GFOD2: variants seen among roughly 807,000 people sequenced by gnomAD.
The protein encoded by GFOD2 is glucose-fructose oxidoreductase domain-containing protein 2.
A neutral mutation model predicts 24.6 loss-of-function variants in GFOD2; 9 were observed. The observed-to-expected ratio is 0.37, with a 90% CI of 0.22 to 0.64. The LOEUF is 0.64. GFOD2 is among the 30% of genes least tolerant of loss of function. The probability of loss-of-function intolerance (pLI) is 0.65; values close to 1 mark genes in which losing one functional copy is unlikely to be tolerated. For synonymous variants in GFOD2, 211 were observed against 224.8 expected, an observed-to-expected ratio of 0.94 and a Z score of 0.55; for missense variants, 476 against 532.5, an observed-to-expected ratio of 0.89 and a Z score of 1.04.
intron 1 of GFOD2, among the ~76,000 whole-genome samples, chr16:67,693,197 A>G (rs543523708): frequency 1.6e-3 from 245 of 152,256 alleles, no homozygotes; most frequent in African/African-American, 5.7e-3. Context: ...TCCAGGGAGT[A>G]GCACTGCATC....
At chr16:67,688,015 T>C (rs1009914275) in intron 1 of GFOD2, among the ~76,000 whole-genome samples, 1 of 152,138 alleles carries the variant, frequency 6.6e-6, no homozygotes, top group Non-Finnish European at 1.5e-5. Flanking sequence ...AGATATTTAC[T>C]ATAGCATTGG....
intron 1 of GFOD2, among the ~76,000 whole-genome samples, chr16:67,699,532 G>GGAAT (rs1158619994): frequency 6.6e-6 from 1 of 152,094 alleles, no homozygotes; most frequent in African/African-American, 2.4e-5. Context: ...CACCCAGACT[G>GGAAT]GAATGCAGTG....
chr16:67,696,722 C>T (rs1268291195), intron 1 of GFOD2, among the ~76,000 whole-genome samples: 1 of 152,180 alleles, frequency 6.6e-6, no homozygotes, highest in African/African-American at 2.4e-5. Context: ...ATCCGCCTGC[C>T]TCAGCCTCCC....
At chr16:67,696,334 A>T (rs1167731160) in intron 1 of GFOD2, among the ~76,000 whole-genome samples, 21 of 146,708 alleles carry the variant, frequency 1.4e-4, no homozygotes, top group Middle Eastern at 3.6e-3. Flanking sequence ...TTTTTTTTTT[A>T]AATGATCTAT....
At chr16:67,688,599 T>C (rs2053285520) in intron 1 of GFOD2, among the ~76,000 whole-genome samples, 1 of 152,116 alleles carries the variant, frequency 6.6e-6, no homozygotes, top group Admixed American at 6.6e-5. Context: ...CCCCACTCCA[T>C]ATTAGCATCA....
Position 67,675,808 on chromosome 16 carries a change from G to A in GFOD2, c.505C>T (p.Leu169Phe), listed in dbSNP as rs771013338. The A allele has an allele frequency of 6.8e-6, 11 of 1,614,064 alleles. No individual in the cohort carries two copies. Among genetic ancestry groups the A allele is most frequent in the African/African-American group, 1.3e-5 (1 of 74,950 alleles). ...GTGTGCAAGCCCCCGCCGCCCATGAGCTCATCACAGATCCAGCCATAGCTG... is the reference window on the plus strand; with the variant it reads ...GTGTGCAAGCCCCCGCCGCCCATGAACTCATCACAGATCCAGCCATAGCTG... ...SPSYGWICDE[L>F]MGGGGLHTMG... is the part of the protein sequence containing the mutation. The change falls in exon 3 of 3, where the codon CTC becomes TTC. Residue 169 changes from leucine (L) to phenylalanine (F), a missense_variant. By Grantham distance (22) the Leu-to-Phe change is conservative. Coordinates refer to ENST00000268797, the MANE Select transcript of GFOD2 (RefSeq NM_030819.4).
At chr16:67,680,454 T>C (rs986350471) in intron 2 of GFOD2, 2 of 152,252 alleles carry the variant, frequency 1.3e-5, no homozygotes, top group Non-Finnish European at 2.9e-5. Context: ...TCATACGTAC[T>C]GTTTATTAGG....
chr16:67,675,316 A>AG lies in GFOD2; in HGVS notation c.996dup (p.Ser333LeufsTer46). Reference sequence around the variant, plus strand: ...CCATCCTCGAAGGAGGCGGCCATGGAGACAGGGGTGCGGTCCCAGGTGCGG... The same window carrying AG: ...CCATCCTCGAAGGAGGCGGCCATGGAGGACAGGGGTGCGGTCCCAGGTGCGG... On this transcript the variant is annotated frameshift_variant, in exon 3 of 3. Coordinates refer to ENST00000268797, the MANE Select transcript of GFOD2 (RefSeq NM_030819.4). LOFTEE classifies it high-confidence loss of function. 6.2e-7 allele frequency: 1 copy of AG among 1,613,194 alleles called. No homozygotes were observed. Among genetic ancestry groups the AG allele is most frequent in the Non-Finnish European group, 8.5e-7 (1 of 1,180,024 alleles).
chr16:67,694,955 T>A (rs2053346964), intron 1 of GFOD2, among the ~76,000 whole-genome samples: 1 of 151,898 alleles, frequency 6.6e-6, no homozygotes, highest in Non-Finnish European at 1.5e-5. Flanking sequence ...CTCAGTCACC[T>A]TGCTTTCCTT....
intron 2 of GFOD2, among the ~76,000 whole-genome samples, chr16:67,679,117 C>T (rs942857315): frequency 6.6e-6 from 1 of 152,096 alleles, no homozygotes; most frequent in African/African-American, 2.4e-5. Context: ...CAGTTTGCTG[C>T]GATCAAGCCA....
intron 1 of GFOD2, among the ~76,000 whole-genome samples, chr16:67,716,520 CTCAT>C (rs2053508191): frequency 6.6e-6 from 1 of 152,168 alleles, no homozygotes; most frequent in African/African-American, 2.4e-5. Flanking sequence ...TCTCCAAAAG[CTCAT>C]TCAAAGTATT....
chr16:67,690,993 A>C (rs1597795993), intron 1 of GFOD2, among the ~76,000 whole-genome samples: 1 of 151,670 alleles, frequency 6.6e-6, no homozygotes, highest in East Asian at 1.9e-4. Context: ...CTCCCGAGTA[A>C]CTGGGACTAC....
intron 2 of GFOD2, chr16:67,684,730 C>T (rs1444719389): frequency 1.0e-6 from 1 of 976,918 alleles, no homozygotes; most frequent in Non-Finnish European, 1.2e-6. Flanking sequence ...TGAATGTTTA[C>T]TGGTTTGTTT....
chr16:67,703,530 T>G (rs1597801833), intron 1 of GFOD2, among the ~76,000 whole-genome samples: 1 of 152,332 alleles, frequency 6.6e-6, no homozygotes, highest in African/African-American at 2.4e-5. Flanking sequence ...TCTGGAAATG[T>G]TCTTTAAAGG....
At chr16:67,683,705 C>CA (rs1388806802) in intron 2 of GFOD2, 1 of 1,230,114 alleles carries the variant, frequency 8.1e-7, no homozygotes, top group Non-Finnish European at 1.0e-6. Flanking sequence ...CCAGAGGTGA[C>CA]AGACACCTTC....
intron 1 of GFOD2, among the ~76,000 whole-genome samples, chr16:67,700,386 A>T (rs907429926): frequency 6.6e-6 from 1 of 151,876 alleles, no homozygotes; most frequent in African/African-American, 2.4e-5. Context: ...AAAAAAAAAA[A>T]TTAAATTTAA....
At chr16:67,701,540 T>C (rs1253796195) in intron 1 of GFOD2, among the ~76,000 whole-genome samples, 2 of 152,136 alleles carry the variant, frequency 1.3e-5, no homozygotes, top group African/African-American at 2.4e-5. Flanking sequence ...AATGCCATAA[T>C]GGAAAAGCAA....
intron 1 of GFOD2, among the ~76,000 whole-genome samples, chr16:67,697,895 A>G (rs917979121): frequency 6.6e-6 from 1 of 152,204 alleles, no homozygotes; most frequent in South Asian, 2.1e-4. Flanking sequence ...CAGCAAGGTG[A>G]GTAGGAGCCA....
At chr16:67,697,124 A>G (rs1372621051) in intron 1 of GFOD2, among the ~76,000 whole-genome samples, 1 of 152,116 alleles carries the variant, frequency 6.6e-6, no homozygotes, top group East Asian at 1.9e-4. Context: ...CAGGCTATAT[A>G]CAATTTGACA....
Sources: gnomAD v4.1 joint callset for allele counts (sites outside exome capture counted in the v4.1 genomes callset) on GRCh38, gnomAD v4.1.1 for gene constraint, MANE v1.5 for transcripts, NCBI Gene and HGNC (gene_info 2026-07-23, HGNC 2026-07-21) for gene names.